RANBP9: variants seen among roughly 807,000 people sequenced by gnomAD.
RANBP9 encodes ran-binding protein 9.
RANBP9 carries 15 observed loss-of-function variants against 84.3 expected under a neutral mutation model. The ratio of observed to expected loss-of-function variants is 0.18; its 90% CI spans 0.12 to 0.27. The LOEUF (loss-of-function observed/expected upper bound fraction) is 0.27, where lower values mean the gene tolerates loss of function less well. RANBP9 is among the 10% of genes least tolerant of loss of function. The pLI is 1.00. For missense variants in RANBP9, 809 were observed against 912.8 expected (o/e 0.89, Z 1.46); for synonymous variants, 392 against 349.6 (o/e 1.12, Z -1.35).
rs1757844604 is a variant in RANBP9 at position 13,696,987 on chromosome 6, G to C, written c.572-91C>G. ...ACAATTCAGGAACATATAGGTTTTTGGAATGATGTATTATTTCTGCTCCTA... is the reference window on the plus strand; with the variant it reads ...ACAATTCAGGAACATATAGGTTTTTCGAATGATGTATTATTTCTGCTCCTA... On this transcript the variant is annotated intron_variant, in intron 1 of 13. Coordinates refer to ENST00000011619, the MANE Select transcript of RANBP9 (RefSeq NM_005493.3). 3.9e-5 allele frequency: 40 copies of C among 1,037,328 alleles called. No homozygotes were observed. The South Asian group carries it at 6.0e-4, about 15-fold the overall frequency. The allele number at this position is 1,037,328 out of a possible 1,614,324, so 64.3% of individuals were successfully genotyped here. A position where few individuals can be genotyped will look rare whatever the true frequency, so the allele number is the denominator to read the frequency against.
In RANBP9 at chr6:13,673,926, T is replaced by C. The variant is rs142870225; in HGVS notation, c.684-15094A>G. Among the ~76,000 whole-genome samples, 507 of 151,774 alleles carry C rather than the reference T, an allele frequency of 3.3e-3. 2 individuals are homozygous for C. The highest frequency in any genetic ancestry group is 0.012 in the African/African-American group (492 of 41,358). On this transcript the variant is annotated intron_variant, in intron 2 of 13. Coordinates refer to ENST00000011619, the MANE Select transcript of RANBP9 (RefSeq NM_005493.3). ...GGCAAAATCCCATCTCTATAAAGAA[T>C]ACAAAAAATTAGCCAGGTGTGGTGG...
intron 2 of RANBP9, among the ~76,000 whole-genome samples, chr6:13,694,711 T>C (rs1295877549): frequency 6.6e-6 from 1 of 152,184 alleles, no homozygotes; most frequent in Non-Finnish European, 1.5e-5. Flanking sequence ...CATGATAAAA[T>C]CTCATGCCAT....
chr6:13,663,400 A>G (rs931876609), intron 2 of RANBP9, among the ~76,000 whole-genome samples: 21 of 152,192 alleles, frequency 1.4e-4, no homozygotes, highest in African/African-American at 5.1e-4. Flanking sequence ...ATGTGTTGCT[A>G]GCAAACCTAC....
rs191931198 is a variant in RANBP9 at position 13,664,433 on chromosome 6, A to C, written c.684-5601T>G. ...TTCAAACTGATCACAGAGTCAACACAATCCAAAGCATAACCACAATAGGCT... is the reference window on the plus strand; with the variant it reads ...TTCAAACTGATCACAGAGTCAACACCATCCAAAGCATAACCACAATAGGCT... On this transcript the variant is annotated intron_variant, in intron 2 of 13. Transcript: ENST00000011619. Among the ~76,000 whole-genome samples, 3 of 150,584 alleles carry C rather than the reference A, an allele frequency of 2.0e-5. No homozygotes were observed. In the East Asian group the frequency reaches 5.8e-4, roughly 29 times the overall value.
intron 1 of RANBP9, 114 bp from the exon 2 acceptor site, chr6:13,697,010 C>A: frequency 1.2e-6 from 1 of 805,244 alleles, no homozygotes; most frequent in Non-Finnish European, 1.9e-6. Context: ...ATTTCTGCTC[C>A]TATCAGTTCA....
At chr6:13,627,203 CA>C (rs1425937211) in intron 12 of RANBP9, among the ~76,000 whole-genome samples, 1 of 152,160 alleles carries the variant, frequency 6.6e-6, no homozygotes, top group Non-Finnish European at 1.5e-5. Flanking sequence ...CTTCTTCCAG[CA>C]ATGAAGATGT....
chr6:13,704,539 G>C (rs1351823553), intron 1 of RANBP9, among the ~76,000 whole-genome samples: 5 of 151,996 alleles, frequency 3.3e-5, no homozygotes, highest in Non-Finnish European at 5.9e-5. Context: ...GCTGAGGTGG[G>C]AGGATCACTT....
chr6:13,649,560 A>T (rs527587913), intron 5 of RANBP9, among the ~76,000 whole-genome samples: 7 of 151,774 alleles, frequency 4.6e-5, no homozygotes, highest in Non-Finnish European at 8.8e-5. Flanking sequence ...GACCAAATCA[A>T]CCCACTAACC....
At chr6:13,700,262 G>A (rs1188109585) in intron 1 of RANBP9, among the ~76,000 whole-genome samples, 1 of 152,144 alleles carries the variant, frequency 6.6e-6, no homozygotes, top group Admixed American at 6.5e-5. Flanking sequence ...ATATAAATCA[G>A]CCGTCCTTCT....
At chr6:13,653,927 A>C (rs1387940649) in intron 4 of RANBP9, among the ~76,000 whole-genome samples, 3 of 152,058 alleles carry the variant, frequency 2.0e-5, no homozygotes, top group Non-Finnish European at 2.9e-5. Context: ...CAAATAAAAA[A>C]CTTTCCCAAA....
chr6:13,629,633 C>T (rs1330417428), intron 12 of RANBP9, among the ~76,000 whole-genome samples: 2 of 152,082 alleles, frequency 1.3e-5, no homozygotes, highest in African/African-American at 4.8e-5. Flanking sequence ...CAGGCTGGGG[C>T]TGTTCATTCA....
rs968722391 is a variant in RANBP9 at position 13,642,720 on chromosome 6, G to C, written c.1113-129C>G. On this transcript the variant is annotated intron_variant, in intron 6 of 13. Transcript: ENST00000011619. The stretch of plus-strand genomic sequence containing the variant: ...CTATTTCCTTGAAACAAGGCGTTAA[G>C]AACCTCACCTTTAAAGTAAGCTTTT... 9 of 501,774 alleles carry C rather than the reference G, an allele frequency of 1.8e-5. No individual in the cohort carries two copies. In the African/African-American group the frequency reaches 1.8e-4, roughly 10 times the overall value. 31.1% of individuals were successfully genotyped at this position (501,774 alleles called of 1,614,324 possible). A position where few individuals can be genotyped will look rare whatever the true frequency, so the allele number is the denominator to read the frequency against.
chr6:13,653,914 G>A (rs1273487861), intron 4 of RANBP9, among the ~76,000 whole-genome samples: 2 of 151,790 alleles, frequency 1.3e-5, no homozygotes, highest in Non-Finnish European at 2.9e-5. Flanking sequence ...AGTACTATCA[G>A]CCCAAATAAA....
chr6:13,659,262 A>C (rs1765486381), intron 2 of RANBP9, among the ~76,000 whole-genome samples: 1 of 87,824 alleles, frequency 1.1e-5, no homozygotes, highest in African/African-American at 4.8e-5. Flanking sequence ...ACACATACAC[A>C]CACACACACA....
intron 1 of RANBP9, 32 bp downstream of exon 1, chr6:13,710,903 C>T (rs1185917704): frequency 6.4e-7 from 1 of 1,569,042 alleles, no homozygotes; most frequent in Non-Finnish European, 8.6e-7. Context: ...GGGTCAGTGC[C>T]CCACTCCCAC....
chr6:13,707,343 A>G (rs568477092), intron 1 of RANBP9, among the ~76,000 whole-genome samples: 35 of 152,314 alleles, frequency 2.3e-4, no homozygotes, highest in African/African-American at 7.7e-4. Flanking sequence ...ATTGCTTCCT[A>G]TAATTCCCAA....
chr6:13,710,629 C>T (rs148949728), intron 1 of RANBP9, among the ~76,000 whole-genome samples: 97 of 152,336 alleles, frequency 6.4e-4, no homozygotes, highest in African/African-American at 2.3e-3. Flanking sequence ...CCAGGGAAAT[C>T]AGAAAGCCAG....
chr6:13,654,380 C>G (rs1290091380), intron 4 of RANBP9, among the ~76,000 whole-genome samples: 1 of 152,146 alleles, frequency 6.6e-6, no homozygotes, highest in Non-Finnish European at 1.5e-5. Context: ...TATCAAATTA[C>G]ATTAACCTAT....
chr6:13,661,793 TATCA>T (rs1434638588), intron 2 of RANBP9, among the ~76,000 whole-genome samples: 1 of 152,116 alleles, frequency 6.6e-6, no homozygotes, highest in African/African-American at 2.4e-5. Context: ...CACTGTAGAA[TATCA>T]ATCACGGGCA....
Sources: allele counts gnomAD v4.1 joint callset (sites outside exome capture counted in the v4.1 genomes callset), GRCh38; gene constraint gnomAD v4.1.1; transcripts MANE v1.5; gene names NCBI Gene and HGNC (gene_info 2026-07-23, HGNC 2026-07-21).